Variants in CNTN5 observed in about 807,000 individuals in gnomAD.
CNTN5 encodes contactin 5.
Under a neutral mutation model 129.1 loss-of-function variants are expected in CNTN5, and 77 were observed. The observed-to-expected ratio is 0.60, with a 90% confidence interval of 0.50 to 0.72. The LOEUF (loss-of-function observed/expected upper bound fraction) is 0.72, where lower values mean the gene tolerates loss of function less well. CNTN5 is among the 30% of genes least tolerant of loss of function. The pLI, the probability that CNTN5 is intolerant of heterozygous loss-of-function variation, is 0.00. For synonymous variants in CNTN5, 509 were observed against 465.6 expected (o/e 1.09, Z -1.20); for missense variants, 1,478 against 1,328.8 (o/e 1.11, Z -1.75).
chr11:100,286,850 A>C (rs1235323157), intron 18 of CNTN5, among the ~76,000 whole-genome samples: 5 of 151,260 alleles, frequency 3.3e-5, no homozygotes, highest in Non-Finnish European at 7.4e-5. Flanking sequence ...GGAAGTTGAA[A>C]ACTTTGAAAA....
At chr11:99,826,034 G>C (rs1946945562) in intron 4 of CNTN5, among the ~76,000 whole-genome samples, 1 of 151,932 alleles carries the variant, frequency 6.6e-6, no homozygotes, top group Non-Finnish European at 1.5e-5. Context: ...CTTAGTTTAA[G>C]GAAGTCCATT....
At position 100,207,042 on chromosome 11, in the gene CNTN5, G is replaced by T. The variant is rs376309039; in HGVS notation, c.1884+13379G>T. On this transcript the variant is annotated intron_variant, in intron 15 of 24. Coordinates refer to ENST00000524871, the MANE Select transcript of CNTN5 (RefSeq NM_014361.4). ...TTGTTCACTTTGCAAACACTTAATG[G>T]TTACCTGTAATGTGTACAGCATTAA... Among the ~76,000 whole-genome samples the T allele has an allele frequency of 8.5e-5, 13 of 152,072 alleles. No homozygotes were observed. The South Asian group carries it at 2.7e-3, about 32-fold the overall frequency.
chr11:100,019,124 T>C (rs1283667839), intron 9 of CNTN5, among the ~76,000 whole-genome samples: 1 of 151,950 alleles, frequency 6.6e-6, no homozygotes, highest in African/African-American at 2.4e-5. Context: ...CTAGTGTGTC[T>C]CAAAAGGTAC....
At chr11:99,506,535 T>C (rs1478824120) in intron 2 of CNTN5, among the ~76,000 whole-genome samples, 1 of 152,192 alleles carries the variant, frequency 6.6e-6, no homozygotes, top group African/African-American at 2.4e-5. Context: ...GATTTGCGCC[T>C]TGAAAAATAG....
At chr11:99,733,823 G>T (rs762052018) in intron 3 of CNTN5, among the ~76,000 whole-genome samples, 1 of 152,120 alleles carries the variant, frequency 6.6e-6, no homozygotes, top group African/African-American at 2.4e-5. Flanking sequence ...TAACACACAA[G>T]CAGTGATAAA....
At chr11:99,135,534 A>G (rs1859173611) in intron 1 of CNTN5, among the ~76,000 whole-genome samples, 1 of 152,284 alleles carries the variant, frequency 6.6e-6, no homozygotes, top group South Asian at 2.1e-4. Context: ...GAAAGGTAGG[A>G]TGTGGAAAAT....
chr11:99,552,212 TG>T (rs1249240884), intron 2 of CNTN5, among the ~76,000 whole-genome samples: 11 of 147,464 alleles, frequency 7.5e-5, no homozygotes, highest in South Asian at 6.6e-4. Flanking sequence ...GGTCAGTTTT[TG>T]TGTTTTTTTT....
At chr11:100,045,541 T>A (rs1327425611) in intron 9 of CNTN5, among the ~76,000 whole-genome samples, 1 of 152,050 alleles carries the variant, frequency 6.6e-6, no homozygotes, top group Non-Finnish European at 1.5e-5. Flanking sequence ...TATGAAAGAA[T>A]TAAGTTTTCT....
rs1950018965 is a variant in CNTN5 at position 99,592,821 on chromosome 11, TGAG to T, written c.55+36557_55+36559del. ...CTGTAGGAGGTGAGTGGGAAGAATGTGAGGAGGTGAATATAGTAGTCTGAGTAA... is the reference window on the plus strand; with the variant it reads ...CTGTAGGAGGTGAGTGGGAAGAATGTGAGGTGAATATAGTAGTCTGAGTAA... On this transcript the variant is annotated intron_variant, in intron 3 of 24. Transcript: ENST00000524871. 3.9e-5 allele frequency among the ~76,000 whole-genome samples: 6 copies of T among 152,164 alleles called. No individual in the cohort carries two copies. In the South Asian group the frequency reaches 1.2e-3, roughly 32 times the overall value.
At chr11:100,351,657 TAAAAA>T (rs60798966) in intron 24 of CNTN5, among the ~76,000 whole-genome samples, 1 of 103,650 alleles carries the variant, frequency 9.6e-6, no homozygotes. Flanking sequence ...GTAGAGATAG[TAAAAA>T]AAAAAAAAAA....
chr11:99,192,702 A>G lies in CNTN5; in HGVS notation c.-209-132644A>G, dbSNP rs545145891. 1.5e-4 allele frequency among the ~76,000 whole-genome samples: 23 copies of G among 152,210 alleles called. 1 individual carries two copies. In the South Asian group the frequency reaches 4.8e-3, roughly 32 times the overall value. ...ACCAACTTTCTGAAGCTTAGCTAAA[A>G]CATGCTTATTTAAATCTACTGTATG... On this transcript the variant is annotated intron_variant, in intron 1 of 24. Coordinates refer to ENST00000524871, the MANE Select transcript of CNTN5 (RefSeq NM_014361.4).
Position 99,785,684 on chromosome 11 carries a change from G to A in CNTN5, c.56-33860G>A, listed in dbSNP as rs184148407. Among the ~76,000 whole-genome samples the A allele has an allele frequency of 1.4e-3, 219 of 152,214 alleles. 4 individuals are homozygous for A. In the South Asian group the frequency reaches 0.019, roughly 13 times the overall value. Reference sequence around the variant, plus strand: ...AGTCGACTTCACCCCTGGGTTACAAGACTGGTTCAACATATACAAATCAAT... The same window carrying A: ...AGTCGACTTCACCCCTGGGTTACAAAACTGGTTCAACATATACAAATCAAT... On this transcript the variant is annotated intron_variant, in intron 3 of 24. Coordinates refer to ENST00000524871, the MANE Select transcript of CNTN5 (RefSeq NM_014361.4).
At chr11:100,004,729 T>G (rs1377564) in intron 9 of CNTN5, among the ~76,000 whole-genome samples, 110,645 of 152,064 alleles carry the variant, frequency 0.73, 40,865 homozygotes, top group African/African-American at 0.86. Flanking sequence ...AAGGAGCAAG[T>G]GGGAGGAGAT....
intron 2 of CNTN5, among the ~76,000 whole-genome samples, chr11:99,417,932 G>A (rs538386223): frequency 3.9e-5 from 6 of 152,146 alleles, no homozygotes; most frequent in African/African-American, 7.2e-5. Flanking sequence ...ATGTTTAAAC[G>A]GTGATCTCTG....
chr11:100,091,234 C>CT (rs1944768910), intron 13 of CNTN5, among the ~76,000 whole-genome samples: 2 of 151,458 alleles, frequency 1.3e-5, no homozygotes, highest in African/African-American at 4.8e-5. Context: ...TACTGTTGCC[C>CT]AGAGTGTTGC....
intron 1 of CNTN5, among the ~76,000 whole-genome samples, chr11:99,271,294 C>T (rs773372099): frequency 3.3e-5 from 5 of 151,872 alleles, no homozygotes; most frequent in South Asian, 4.1e-4. Flanking sequence ...AAAACACGCA[C>T]GGTAATTAAA....
rs1197351659 is a variant in CNTN5, at chr11:100,003,852, CTGTT to C, written c.980+1718_980+1721del. The C allele has an allele frequency of 3.3e-5, 5 of 152,170 alleles. No homozygotes were observed. The East Asian group carries it at 7.7e-4, about 23-fold the overall frequency. The allele number at this position is 152,170 out of a possible 1,614,324, so 9.4% of individuals were successfully genotyped here. On this transcript the variant is annotated intron_variant, in intron 9 of 24. Coordinates refer to ENST00000524871, the MANE Select transcript of CNTN5 (RefSeq NM_014361.4). ...AAGACTGCTTCACTCAAGAAGGTCT[CTGTT>C]TATCACTTGGTGTCCTTTCTAAGAA...
chr11:99,772,474 A>T (rs1290219976), intron 3 of CNTN5, among the ~76,000 whole-genome samples: 1 of 151,994 alleles, frequency 6.6e-6, no homozygotes, highest in Non-Finnish European at 1.5e-5. Context: ...TTCCTGTAAA[A>T]ATCCCCATTG....
chr11:99,533,298 A>C (rs1947782924), intron 2 of CNTN5, among the ~76,000 whole-genome samples: 1 of 152,226 alleles, frequency 6.6e-6, no homozygotes, highest in South Asian at 2.1e-4. Flanking sequence ...AATGGCTGCC[A>C]TCCTCAAGAG....
Sources: gnomAD v4.1 joint callset for allele counts (sites outside exome capture counted in the v4.1 genomes callset) on GRCh38, gnomAD v4.1.1 for gene constraint, MANE v1.5 for transcripts, NCBI Gene and HGNC (gene_info 2026-07-23, HGNC 2026-07-21) for gene names.